The following ITSN1 variants were observed in gnomAD, a reference collection of about 807,000 sequenced individuals.
ITSN1 encodes the protein intersectin 1.
Under a neutral mutation model 239.8 loss-of-function variants are expected in ITSN1, and 58 were observed. The observed-to-expected ratio is 0.24, with a 90% CI of 0.20 to 0.30. The LOEUF is 0.30. Ranked by LOEUF, ITSN1 falls within the 10% of genes least tolerant of loss-of-function variation. The pLI, the probability that ITSN1 is intolerant of heterozygous loss-of-function variation, is 1.00. For synonymous variants in ITSN1, 780 were observed against 770.8 expected (o/e 1.01, Z -0.20); for missense variants, 1,558 against 2,103.3 (o/e 0.74, Z 5.07).
intron 1 of ITSN1, among the ~76,000 whole-genome samples, chr21:33,664,886 C>T (rs768452556): frequency 6.0e-5 from 9 of 150,048 alleles, no homozygotes; most frequent in East Asian, 1.9e-4. Flanking sequence ...CTGGAAGCTT[C>T]GCCATTTGTT....
intron 1 of ITSN1, among the ~76,000 whole-genome samples, chr21:33,702,117 T>TAGTAAACA (rs1280594061): frequency 3.4e-5 from 5 of 148,440 alleles, no homozygotes; most frequent in African/African-American, 1.2e-4. Flanking sequence ...TTTTTTTTTT[T>TAGTAAACA]TTTTTTTTTT....
rs1035895354 is a variant in ITSN1, at chr21:33,898,980, TTTC to T, written c.*10683_*10685del. On this transcript the variant is annotated 3_prime_UTR_variant, in exon 40 of 40. Transcript: ENST00000381318. ...TCCCAAAGATGGAGCTGTTCAGAGA[TTTC>T]TTTGTTCAGGCGCAGCCTTGGAAGG... The T allele has an allele frequency of 4.6e-5, 7 of 152,268 alleles. No homozygotes were observed. The highest frequency in any genetic ancestry group is 1.7e-4 in the African/African-American group (7 of 41,458). 9.4% of individuals were successfully genotyped at this position (152,268 alleles called of 1,614,324 possible).
intron 1 of ITSN1, among the ~76,000 whole-genome samples, chr21:33,718,585 C>T (rs938305397): frequency 2.0e-5 from 3 of 151,770 alleles, no homozygotes; most frequent in African/African-American, 7.3e-5. Flanking sequence ...TTTTTTTAAT[C>T]CATGGGAGGT....
intron 1 of ITSN1, among the ~76,000 whole-genome samples, chr21:33,656,556 C>T (rs187829147): frequency 1.4e-4 from 21 of 152,000 alleles, no homozygotes; most frequent in African/African-American, 4.6e-4. Context: ...TTTTTTGAGA[C>T]GGAGTCTCAC....
chr21:33,670,901 C>A (rs779662054), intron 1 of ITSN1, among the ~76,000 whole-genome samples: 12 of 152,180 alleles, frequency 7.9e-5, no homozygotes, highest in Non-Finnish European at 1.5e-4. Flanking sequence ...GACATGTTCT[C>A]TAAAACTGTG....
intron 25 of ITSN1, among the ~76,000 whole-genome samples, chr21:33,825,792 C>T (rs185354340): frequency 4.6e-5 from 7 of 152,146 alleles, no homozygotes; most frequent in Non-Finnish European, 8.8e-5. Context: ...TAACTTTGTT[C>T]GTTAATAAAG....
chr21:33,819,582 T>TA (rs1236504873), intron 24 of ITSN1, among the ~76,000 whole-genome samples: 1 of 152,232 alleles, frequency 6.6e-6, no homozygotes, highest in Non-Finnish European at 1.5e-5. Flanking sequence ...CCCATTCAGT[T>TA]CACTAAGAAT....
Position 33,888,354 on chromosome 21 carries a change from G to C in ITSN1, c.*54G>C, listed in dbSNP as rs1351580611. The C allele has an allele frequency of 4.6e-6, 7 of 1,522,548 alleles. No homozygotes were observed. The highest frequency in any genetic ancestry group is 6.2e-6 in the Non-Finnish European group (7 of 1,126,592). 94.3% of individuals were successfully genotyped at this position (1,522,548 alleles called of 1,614,324 possible). A position where few individuals can be genotyped will look rare whatever the true frequency, so the allele number is the denominator to read the frequency against. On this transcript the variant is annotated 3_prime_UTR_variant, in exon 40 of 40. Coordinates refer to ENST00000381318, the MANE Select transcript of ITSN1 (RefSeq NM_003024.3). ...GTCCCAGCCCACGGCCACACATGCTGTCTGGAAATTGTATTCCTTTTCTAA... is the reference window on the plus strand; with the variant it reads ...GTCCCAGCCCACGGCCACACATGCTCTCTGGAAATTGTATTCCTTTTCTAA...
At position 33,875,408 on chromosome 21, in the gene ITSN1, C is replaced by G. The variant is rs770179954; in HGVS notation, c.4228C>G (p.Leu1410Val). ...HPDHSHLKHA[L>V]EKAEELCSQV... is the part of the protein sequence containing the mutation. Reference sequence around the variant, plus strand: ...GGACCACAGCCACTTGAAGCACGCCCTGGAGAAGGCGGAAGAGCTCTGTTC... The same window carrying G: ...GGACCACAGCCACTTGAAGCACGCCGTGGAGAAGGCGGAAGAGCTCTGTTC... Residue 1410 changes from leucine (L) to valine (V), a missense_variant, in exon 34 of 40, where the codon CTG (leucine) becomes GTG (valine). Physicochemically the swap from Leu to Val is conservative, Grantham distance 32. This residue lies in a region of ITSN1 where 576 missense variants were observed against 893.3 expected (regional missense o/e 0.64). Coordinates refer to ENST00000381318, the MANE Select transcript of ITSN1 (RefSeq NM_003024.3). The G allele has an allele frequency of 6.2e-7, 1 of 1,614,150 alleles. No individual in the cohort carries two copies. Among genetic ancestry groups the G allele is most frequent in the South Asian group, 1.1e-5 (1 of 91,078 alleles).
At position 33,774,886 on chromosome 21, in the gene ITSN1, A is replaced by C. The variant is rs536600868; in HGVS notation, c.1455+8A>C. On this transcript the variant is annotated splice_region_variant and intron_variant, in intron 13 of 39. Coordinates refer to ENST00000381318, the MANE Select transcript of ITSN1 (RefSeq NM_003024.3). Reference sequence around the variant, plus strand: ...TTTGAATTAGAAGCTCTAGTGAGTGAAGTTTGGTTATACTTTGAAAATATA... The same window carrying C: ...TTTGAATTAGAAGCTCTAGTGAGTGCAGTTTGGTTATACTTTGAAAATATA... The C allele has an allele frequency of 3.0e-5, 48 of 1,608,642 alleles. No homozygotes were observed. The African/African-American group carries it at 6.0e-4, about 20-fold the overall frequency.
chr21:33,690,195 T>C (rs1404968570), intron 1 of ITSN1, among the ~76,000 whole-genome samples: 1 of 150,472 alleles, frequency 6.6e-6, no homozygotes, highest in Non-Finnish European at 1.5e-5. Flanking sequence ...GGAGAATTGC[T>C]TGAACCTGGG....
chr21:33,653,382 C>G (rs1309728640), intron 1 of ITSN1, among the ~76,000 whole-genome samples: 2 of 152,112 alleles, frequency 1.3e-5, no homozygotes, highest in Non-Finnish European at 2.9e-5. Flanking sequence ...AGGTGAGTAG[C>G]CTTGAACCAA....
intron 16 of ITSN1, among the ~76,000 whole-genome samples, chr21:33,789,202 G>A (rs933897127): frequency 3.3e-5 from 5 of 151,984 alleles, no homozygotes; most frequent in African/African-American, 9.7e-5. Context: ...TTTTGATACC[G>A]TATACTACAT....
At chr21:33,671,310 CAG>C (rs1454870627) in intron 1 of ITSN1, among the ~76,000 whole-genome samples, 2 of 151,900 alleles carry the variant, frequency 1.3e-5, no homozygotes, top group African/African-American at 2.4e-5. Flanking sequence ...TGTTTTGAGA[CAG>C]AGTTTCAATC....
intron 1 of ITSN1, among the ~76,000 whole-genome samples, chr21:33,659,559 T>G (rs1397128283): frequency 1.3e-5 from 2 of 152,092 alleles, no homozygotes; most frequent in Non-Finnish European, 2.9e-5. Flanking sequence ...GGAGAACATT[T>G]TTTAGAACTC....
At chr21:33,817,309 C>T in intron 22 of ITSN1, 3 of 1,304,428 alleles carry the variant, frequency 2.3e-6, no homozygotes, top group Non-Finnish European at 3.0e-6. Flanking sequence ...GGACCCCCTG[C>T]AGTGTTCCAC....
intron 1 of ITSN1, among the ~76,000 whole-genome samples, chr21:33,676,311 C>T (rs1379942894): frequency 6.6e-6 from 1 of 152,172 alleles, no homozygotes. Flanking sequence ...GATTTCTGCT[C>T]ATGGTGTCAA....
chr21:33,879,451 A>G (rs1031660281), intron 34 of ITSN1, among the ~76,000 whole-genome samples: 7 of 152,250 alleles, frequency 4.6e-5, no homozygotes, highest in African/African-American at 1.7e-4. Flanking sequence ...GATGGGCCAC[A>G]GGGCTGCAGG....
rs1485094993 is a variant in ITSN1 at position 33,890,193 on chromosome 21, T to C, written c.*1893T>C. 1 of 152,262 alleles carries C rather than the reference T, an allele frequency of 6.6e-6. No homozygotes were observed. The highest frequency in any genetic ancestry group is 2.4e-5 in the African/African-American group (1 of 41,470). 9.4% of individuals were successfully genotyped at this position (152,262 alleles called of 1,614,324 possible). A position where few individuals can be genotyped will look rare whatever the true frequency, so the allele number is the denominator to read the frequency against. On this transcript the variant is annotated 3_prime_UTR_variant, in exon 40 of 40. Transcript: ENST00000381318. ...AGACATGCAACTCATGCTTTCCTAT[T>C]TCTATAACCAACACCGTTTGTTTAG...
Sources: allele counts gnomAD v4.1 joint callset (sites outside exome capture counted in the v4.1 genomes callset), GRCh38; gene constraint gnomAD v4.1.1; regional missense constraint gnomAD v4.1.1; transcripts MANE v1.5; gene names NCBI Gene and HGNC (gene_info 2026-07-23, HGNC 2026-07-21).